The following CHN2 variants were observed in gnomAD, a reference collection of about 807,000 sequenced individuals.
CHN2 encodes beta-chimaerin.
Under a neutral mutation model 56.3 loss-of-function variants are expected in CHN2, and 35 were observed. The ratio of observed to expected loss-of-function variants is 0.62; its 90% CI spans 0.47 to 0.82. CHN2 has a LOEUF of 0.82. Among genes scored for constraint, CHN2 ranks in the 40% least tolerant of loss-of-function variants. The pLI is 0.00. For missense variants in CHN2, 491 were observed against 580.5 expected (o/e 0.85, Z 1.58); for synonymous variants, 210 against 212.8 (o/e 0.99, Z 0.12).
intron 6 of CHN2, among the ~76,000 whole-genome samples, chr7:29,459,533 T>C (rs1317710778): frequency 6.6e-6 from 1 of 152,170 alleles, no homozygotes. Flanking sequence ...GAGCCCACAG[T>C]TGCCTCAAGA....
chr7:29,262,413 TTCTC>T (rs1789630101), intron 1 of CHN2, among the ~76,000 whole-genome samples: 2 of 152,358 alleles, frequency 1.3e-5, no homozygotes, highest in South Asian at 4.1e-4. Context: ...TTTAAACTAT[TTCTC>T]TATACTAGGC....
At chr7:29,273,388 T>TACACAC (rs1194733907) in intron 1 of CHN2, among the ~76,000 whole-genome samples, 11 of 41,920 alleles carry the variant, frequency 2.6e-4, no homozygotes, top group African/African-American at 1.2e-3. Flanking sequence ...TATATATATA[T>TACACAC]ACACACACCA....
chr7:29,221,713 T>G (rs1043935537), intron 1 of CHN2, among the ~76,000 whole-genome samples: 1 of 152,220 alleles, frequency 6.6e-6, no homozygotes. Flanking sequence ...CATGGGATGT[T>G]TGGTTTTCTG....
intron 1 of CHN2, among the ~76,000 whole-genome samples, chr7:29,290,682 A>G (rs1237619913): frequency 6.6e-6 from 1 of 152,204 alleles, no homozygotes; most frequent in Non-Finnish European, 1.5e-5. Context: ...AACAAAGTAT[A>G]GATAAGCAAA....
At chr7:29,263,117 G>A (rs1789706999) in intron 1 of CHN2, among the ~76,000 whole-genome samples, 1 of 152,152 alleles carries the variant, frequency 6.6e-6, no homozygotes, top group Admixed American at 6.5e-5. Context: ...TCGGCTCACT[G>A]CAGCCTCCCT....
At chr7:29,314,747 T>C (rs1305053455) in intron 1 of CHN2, among the ~76,000 whole-genome samples, 2 of 152,156 alleles carry the variant, frequency 1.3e-5, no homozygotes, top group Admixed American at 1.3e-4. Context: ...CAAAGTGAAA[T>C]GGAAACAGTT....
intron 1 of CHN2, among the ~76,000 whole-genome samples, chr7:29,337,201 G>T (rs1355051163): frequency 6.6e-6 from 1 of 152,174 alleles, no homozygotes; most frequent in Non-Finnish European, 1.5e-5. Context: ...AAAGGCACAG[G>T]TGTGTAAATA....
chr7:29,189,470 T>C, intron 2 of CHN2, among the ~76,000 whole-genome samples: 1 of 152,160 alleles, frequency 6.6e-6, no homozygotes, highest in Non-Finnish European at 1.5e-5. Flanking sequence ...ACTCACTCCC[T>C]GCTTTTGCCC....
At position 29,430,145 on chromosome 7, in the gene CHN2, T is replaced by C. The variant is rs145727174; in HGVS notation, c.576+29317T>C. ...GAGTAACAGAGTCCAGCTAAAAGAT[T>C]TAAACTGTGCAGGGCATTTGTTGTT... On this transcript the variant is annotated intron_variant, in intron 6 of 12. Coordinates refer to ENST00000222792, the MANE Select transcript of CHN2 (RefSeq NM_004067.4). 3.0e-3 allele frequency among the ~76,000 whole-genome samples: 457 copies of C among 152,302 alleles called. 4 individuals carry two copies. The highest frequency in any genetic ancestry group is 0.01 in the African/African-American group (419 of 41,554).
intron 2 of CHN2, among the ~76,000 whole-genome samples, chr7:29,363,110 A>T (rs1205188099): frequency 6.6e-6 from 1 of 152,180 alleles, no homozygotes; most frequent in African/African-American, 2.4e-5. Context: ...TTACACACAC[A>T]CTGTCAGTAA....
chr7:29,338,849 A>C (rs1439973316), intron 1 of CHN2, among the ~76,000 whole-genome samples: 2 of 152,154 alleles, frequency 1.3e-5, no homozygotes, highest in Non-Finnish European at 2.9e-5. Flanking sequence ...CAAAGTGCTG[A>C]GATTACAGGC....
chr7:29,316,005 T>C (rs1318552333), intron 1 of CHN2, among the ~76,000 whole-genome samples: 1 of 152,162 alleles, frequency 6.6e-6, no homozygotes, highest in Admixed American at 6.5e-5. Context: ...TTGTGGGGTA[T>C]GAGGGAAACT....
At chr7:29,404,436 A>G (rs1317268932) in intron 6 of CHN2, among the ~76,000 whole-genome samples, 1 of 152,206 alleles carries the variant, frequency 6.6e-6, no homozygotes, top group Non-Finnish European at 1.5e-5. Context: ...ACATTTAAGA[A>G]TATATTATAC....
intron 1 of CHN2, among the ~76,000 whole-genome samples, chr7:29,202,038 T>C (rs1156690305): frequency 6.6e-6 from 1 of 152,236 alleles, no homozygotes; most frequent in Non-Finnish European, 1.5e-5. Context: ...AGTGGTTTGT[T>C]GTTTCCCTAA....
chr7:29,345,628 C>G (rs775048433), intron 1 of CHN2, among the ~76,000 whole-genome samples: 13 of 152,150 alleles, frequency 8.5e-5, no homozygotes, highest in African/African-American at 2.6e-4. Flanking sequence ...GGATGCTGAC[C>G]GGGGGCCAGA....
At chr7:29,349,200 T>C (rs1225520852) in intron 1 of CHN2, among the ~76,000 whole-genome samples, 1 of 152,204 alleles carries the variant, frequency 6.6e-6, no homozygotes, top group Non-Finnish European at 1.5e-5. Context: ...GTAATCTCTC[T>C]TTTGTTGTTG....
intron 1 of CHN2, among the ~76,000 whole-genome samples, chr7:29,273,331 ATATATATATGTG>A (rs1182142938): frequency 3.2e-4 from 30 of 94,968 alleles, no homozygotes; most frequent in African/African-American, 1.8e-3. Flanking sequence ...TCATGCATAT[ATATATATATGTG>A]TATATATATA....
intron 1 of CHN2, among the ~76,000 whole-genome samples, chr7:29,302,070 T>C (rs10951212): frequency 0.71 from 107,662 of 151,812 alleles, 38,448 homozygotes; most frequent in African/African-American, 0.78. Flanking sequence ...GGCTGGAGAA[T>C]TCCAAGGATA....
At chr7:29,380,546 T>C (rs974674904) in intron 3 of CHN2, among the ~76,000 whole-genome samples, 2 of 152,328 alleles carry the variant, frequency 1.3e-5, no homozygotes, top group Admixed American at 1.3e-4. Flanking sequence ...TTAATACTCT[T>C]ACATTTCTAG....
Sources: gnomAD v4.1 joint callset for allele counts (sites outside exome capture counted in the v4.1 genomes callset) on GRCh38, gnomAD v4.1.1 for gene constraint, MANE v1.5 for transcripts, NCBI Gene and HGNC (gene_info 2026-07-23, HGNC 2026-07-21) for gene names.